Variants in NCKAP5 observed in about 807,000 individuals in gnomAD.
NCKAP5 encodes NCK associated protein 5.
NCKAP5 carries 92 observed loss-of-function variants against 167.0 expected under a neutral mutation model. The observed-to-expected ratio is 0.55, with a 90% CI of 0.47 to 0.66. The LOEUF (loss-of-function observed/expected upper bound fraction) is 0.66, where lower values mean the gene tolerates loss of function less well. Among genes scored for constraint, NCKAP5 ranks in the 30% least tolerant of loss-of-function variants. NCKAP5 has a pLI of 0.00. For synonymous variants in NCKAP5, 891 were observed against 877.4 expected (o/e 1.02, Z -0.27); for missense variants, 2,378 against 2,315.0 (o/e 1.03, Z -0.56).
intron 3 of NCKAP5, among the ~76,000 whole-genome samples, chr2:133,423,907 T>C (rs1448962449): frequency 6.6e-6 from 1 of 152,224 alleles, no homozygotes; most frequent in African/African-American, 2.4e-5. Context: ...TTTGTTTGCA[T>C]TTTGTTTTCA....
At chr2:133,080,952 G>T (rs368888700) in intron 6 of NCKAP5, among the ~76,000 whole-genome samples, 1 of 152,088 alleles carries the variant, frequency 6.6e-6, no homozygotes, top group Non-Finnish European at 1.5e-5. Flanking sequence ...ATAAAACAAA[G>T]CAGACAGAGC....
the NCKAP5 span, among the ~76,000 whole-genome samples, chr2:133,662,466 T>C: frequency 6.6e-6 from 1 of 151,584 alleles, no homozygotes; most frequent in African/African-American, 2.4e-5. Context: ...AAGAAATATA[T>C]GGCTTATAAC....
chr2:133,486,884 C>T (rs934979022), intron 3 of NCKAP5, among the ~76,000 whole-genome samples: 7 of 152,116 alleles, frequency 4.6e-5, no homozygotes, highest in African/African-American at 1.4e-4. Flanking sequence ...TCAGTCTTCC[C>T]ACACTTTTTC....
At chr2:132,684,007 C>T (rs1685612604) in intron 19 of NCKAP5, among the ~76,000 whole-genome samples, 1 of 152,240 alleles carries the variant, frequency 6.6e-6, no homozygotes, top group South Asian at 2.1e-4. Flanking sequence ...TAGTCTCTCT[C>T]TGCCACATGA....
chr2:133,606,169 A>G, the NCKAP5 span, among the ~76,000 whole-genome samples: 1 of 152,210 alleles, frequency 6.6e-6, no homozygotes, highest in South Asian at 2.1e-4. Context: ...ATTTCTTAAG[A>G]AAACTATGCA....
At chr2:132,717,834 G>T (rs1689514029) in intron 19 of NCKAP5, among the ~76,000 whole-genome samples, 1 of 152,178 alleles carries the variant, frequency 6.6e-6, no homozygotes, top group African/African-American at 2.4e-5. Flanking sequence ...AGCGGCTGGG[G>T]GACGCCAGTG....
At chr2:133,526,557 T>C (rs1684944506) in intron 2 of NCKAP5, among the ~76,000 whole-genome samples, 1 of 152,152 alleles carries the variant, frequency 6.6e-6, no homozygotes, top group African/African-American at 2.4e-5. Flanking sequence ...ACACAAACTA[T>C]TGCTACATCT....
Position 133,138,409 on chromosome 2 carries a change from C to T in NCKAP5, c.208-8298G>A, listed in dbSNP as rs577126783. Reference sequence around the variant, plus strand: ...CTACAAATGAATAATAAAATGGTAACACTGTATTTACAACAAAAAGTAATA... The same window carrying T: ...CTACAAATGAATAATAAAATGGTAATACTGTATTTACAACAAAAAGTAATA... On this transcript the variant is annotated intron_variant, in intron 5 of 19. Coordinates refer to ENST00000409261, the MANE Select transcript of NCKAP5 (RefSeq NM_207363.3). 1.8e-4 allele frequency among the ~76,000 whole-genome samples: 28 copies of T among 152,178 alleles called. 1 individual carries two copies. The South Asian group carries it at 5.6e-3, about 30-fold the overall frequency.
At chr2:133,099,564 C>T (rs1174811557) in intron 6 of NCKAP5, among the ~76,000 whole-genome samples, 1 of 152,116 alleles carries the variant, frequency 6.6e-6, no homozygotes, top group East Asian at 1.9e-4. Context: ...GCTAAATTTG[C>T]CCCATGTAGC....
intron 6 of NCKAP5, among the ~76,000 whole-genome samples, chr2:133,054,026 G>C (rs1170474152): frequency 2.0e-5 from 3 of 152,186 alleles, no homozygotes; most frequent in African/African-American, 7.2e-5. Context: ...GATGAAGCCA[G>C]CCCATGTTCC....
At chr2:132,952,929 G>A (rs988988478) in intron 8 of NCKAP5, among the ~76,000 whole-genome samples, 6 of 152,190 alleles carry the variant, frequency 3.9e-5, no homozygotes, top group African/African-American at 1.4e-4. Flanking sequence ...GAAGCACCAC[G>A]AGGAGCTTCA....
intron 11 of NCKAP5, among the ~76,000 whole-genome samples, chr2:132,847,015 T>G (rs1574407381): frequency 6.6e-6 from 1 of 152,332 alleles, no homozygotes; most frequent in African/African-American, 2.4e-5. Flanking sequence ...ATAGGCAAAT[T>G]TTCATGCCAT....
At chr2:133,500,554 A>G (rs577101791) in intron 3 of NCKAP5, among the ~76,000 whole-genome samples, 1 of 152,350 alleles carries the variant, frequency 6.6e-6, no homozygotes, top group African/African-American at 2.4e-5. Flanking sequence ...TAAAGAGGCA[A>G]CAGTGGCCTC....
intron 8 of NCKAP5, chr2:132,915,454 T>C (rs1694791587): frequency 6.6e-6 from 1 of 152,126 alleles, no homozygotes; most frequent in Admixed American, 6.6e-5. Context: ...ATCATTTTCT[T>C]GGACAGGAAG....
intron 3 of NCKAP5, among the ~76,000 whole-genome samples, chr2:133,367,043 T>C (rs150478142): frequency 6.6e-6 from 1 of 152,324 alleles, no homozygotes; most frequent in African/African-American, 2.4e-5. Context: ...ACCTTCAACC[T>C]TGAAATAAAC....
intron 5 of NCKAP5, among the ~76,000 whole-genome samples, chr2:133,145,113 A>G (rs778940210): frequency 2.8e-4 from 43 of 152,182 alleles, no homozygotes; most frequent in South Asian, 6.2e-4. Flanking sequence ...CTGAAATAAA[A>G]TTTTAATTTT....
intron 11 of NCKAP5, among the ~76,000 whole-genome samples, chr2:132,798,704 G>A (rs1684797149): frequency 6.6e-6 from 1 of 152,170 alleles, no homozygotes; most frequent in Non-Finnish European, 1.5e-5. Flanking sequence ...CATTGAAATA[G>A]GGAAGGTCTG....
chr2:133,246,280 A>T (rs2087987070), intron 4 of NCKAP5, among the ~76,000 whole-genome samples: 1 of 152,096 alleles, frequency 6.6e-6, no homozygotes, highest in African/African-American at 2.4e-5. Flanking sequence ...ATCACTGTCT[A>T]TCCTCAAATG....
chr2:133,364,354 T>A (rs1685316686), intron 3 of NCKAP5, among the ~76,000 whole-genome samples: 1 of 152,178 alleles, frequency 6.6e-6, no homozygotes, highest in Non-Finnish European at 1.5e-5. Flanking sequence ...CAACAAACCA[T>A]GAAAACTAGT....
Sources: gnomAD v4.1 joint callset for allele counts (sites outside exome capture counted in the v4.1 genomes callset) on GRCh38, gnomAD v4.1.1 for gene constraint, MANE v1.5 for transcripts, NCBI Gene and HGNC (gene_info 2026-07-23, HGNC 2026-07-21) for gene names.